The following SLC25A13 variants were observed in gnomAD, a reference collection of about 807,000 sequenced individuals.
The protein encoded by SLC25A13 is solute carrier family 25 member 13.
In SLC25A13, 70 loss-of-function variants were observed where a neutral mutation model predicts 85.5. The observed-to-expected ratio is 0.82, with a 90% CI of 0.68 to 1.00. The LOEUF (loss-of-function observed/expected upper bound fraction) is 1.00. Among genes scored for constraint, SLC25A13 ranks in the 50% least tolerant of loss-of-function variants. The pLI is 0.00. For missense variants in SLC25A13, 765 were observed against 819.8 expected, an observed-to-expected ratio of 0.93 and a Z score of 0.82; for synonymous variants, 259 against 288.7, an observed-to-expected ratio of 0.90 and a Z score of 1.04.
chr7:96,294,083 T>C (rs952293245), intron 2 of SLC25A13, among the ~76,000 whole-genome samples: 31 of 152,188 alleles, frequency 2.0e-4, no homozygotes, highest in African/African-American at 6.8e-4. Context: ...ATATACACCA[T>C]GGAATACTAT....
chr7:96,275,817 C>T (rs1798427304), intron 3 of SLC25A13, among the ~76,000 whole-genome samples: 1 of 152,068 alleles, frequency 6.6e-6, no homozygotes, highest in Admixed American at 6.6e-5. Context: ...AGCACACCAA[C>T]ATGGCACATG....
chr7:96,139,210 C>T (rs1397494829), intron 14 of SLC25A13, among the ~76,000 whole-genome samples: 1 of 152,110 alleles, frequency 6.6e-6, no homozygotes, highest in Non-Finnish European at 1.5e-5. Flanking sequence ...ATCTGAAGCA[C>T]AGGGGAAGTT....
intron 14 of SLC25A13, among the ~76,000 whole-genome samples, chr7:96,142,305 G>T (rs1396100088): frequency 6.6e-6 from 1 of 152,064 alleles, no homozygotes; most frequent in Non-Finnish European, 1.5e-5. Context: ...TGGTGTCTTT[G>T]TGCTCATGTG....
At chr7:96,174,500 C>T (rs1044288643) in intron 11 of SLC25A13, among the ~76,000 whole-genome samples, 115 of 152,300 alleles carry the variant, frequency 7.6e-4, no homozygotes, top group Admixed American at 5.6e-3. Flanking sequence ...TGTGGGCATA[C>T]GCCTGTTTAA....
intron 5 of SLC25A13, among the ~76,000 whole-genome samples, chr7:96,198,239 A>C (rs6976802): frequency 0.34 from 51,577 of 152,002 alleles, 9,273 homozygotes; most frequent in East Asian, 0.59. Flanking sequence ...AATAGGCACA[A>C]CACCACCTAC....
At chr7:96,140,881 C>T (rs182006224) in intron 14 of SLC25A13, among the ~76,000 whole-genome samples, 24 of 151,696 alleles carry the variant, frequency 1.6e-4, no homozygotes, top group Non-Finnish European at 3.2e-4. Flanking sequence ...CACATACATA[C>T]GTGTTGGCCA....
chr7:96,291,652 C>G (rs1179888554), intron 2 of SLC25A13, among the ~76,000 whole-genome samples: 3 of 152,322 alleles, frequency 2.0e-5, no homozygotes, highest in East Asian at 1.9e-4. Flanking sequence ...ATAAACACCT[C>G]TACGCAAATA....
intron 1 of SLC25A13, among the ~76,000 whole-genome samples, chr7:96,305,965 G>A (rs1408310653): frequency 1.3e-5 from 2 of 152,206 alleles, no homozygotes; most frequent in Non-Finnish European, 2.9e-5. Context: ...CATCTCACTT[G>A]AGTGAGCCCT....
At chr7:96,269,904 A>G (rs1320191298) in intron 3 of SLC25A13, among the ~76,000 whole-genome samples, 4 of 152,220 alleles carry the variant, frequency 2.6e-5, no homozygotes, top group Non-Finnish European at 5.9e-5. Context: ...GGAATCTAAA[A>G]AAGTCAAACT....
chr7:96,239,231 T>C (rs1485391218), intron 3 of SLC25A13, among the ~76,000 whole-genome samples: 1 of 149,852 alleles, frequency 6.7e-6, no homozygotes, highest in Non-Finnish European at 1.5e-5. Context: ...AGGAGGTATA[T>C]AGATGAACCA....
In SLC25A13 at chr7:96,273,932, T is replaced by G. The variant is rs141119241; in HGVS notation, c.212+3264A>C. On this transcript the variant is annotated intron_variant, in intron 3 of 17. Coordinates refer to ENST00000265631, the MANE Select transcript of SLC25A13 (RefSeq NM_014251.3). ...AGTCTGTGTTTTGCATAGTTTCAGC[T>G]TAAATGAACTAGTGTGAAATATAGC... is the stretch of plus-strand genomic sequence containing the variant. Among the ~76,000 whole-genome samples the G allele has an allele frequency of 1.2e-4, 19 of 152,340 alleles. No individual in the cohort carries two copies. In the East Asian group the frequency reaches 3.3e-3, roughly 26 times the overall value.
chr7:96,321,866 C>A, intron 1 of SLC25A13, 76 bp downstream of exon 1: 3 of 1,466,330 alleles, frequency 2.0e-6, no homozygotes, highest in East Asian at 2.8e-5. Flanking sequence ...AACCCAGACA[C>A]GTGAGCGCCC....
chr7:96,187,465 C>T (rs1314517330), intron 9 of SLC25A13, among the ~76,000 whole-genome samples: 2 of 152,128 alleles, frequency 1.3e-5, no homozygotes, highest in African/African-American at 4.8e-5. Context: ...CCAACTGTAG[C>T]CCTATATAGA....
intron 11 of SLC25A13, among the ~76,000 whole-genome samples, chr7:96,171,794 C>A (rs762909695): frequency 6.6e-6 from 1 of 152,150 alleles, no homozygotes; most frequent in Admixed American, 6.5e-5. Context: ...TCTCATTATT[C>A]CCCCAAAGTC....
At chr7:96,317,424 A>G (rs1251870681) in intron 1 of SLC25A13, among the ~76,000 whole-genome samples, 1 of 152,084 alleles carries the variant, frequency 6.6e-6, no homozygotes, top group African/African-American at 2.4e-5. Context: ...ATCAACAATG[A>G]AACACATTTG....
intron 3 of SLC25A13, among the ~76,000 whole-genome samples, chr7:96,262,958 C>G (rs969702653): frequency 6.7e-6 from 1 of 150,066 alleles, no homozygotes; most frequent in Non-Finnish European, 1.5e-5. Flanking sequence ...ATTGTTAGCA[C>G]CAGATATGGA....
intron 11 of SLC25A13, among the ~76,000 whole-genome samples, chr7:96,172,526 C>A (rs2116586277): frequency 6.6e-6 from 1 of 151,878 alleles, no homozygotes; most frequent in Middle Eastern, 3.4e-3. Flanking sequence ...CCACTGCACT[C>A]CAGCCCGGCA....
intron 14 of SLC25A13, among the ~76,000 whole-genome samples, chr7:96,135,371 G>C (rs760433729): frequency 2.0e-5 from 3 of 152,134 alleles, no homozygotes; most frequent in Non-Finnish European, 4.4e-5. Context: ...GAAAGACAGA[G>C]ACTTATTAAA....
At chr7:96,277,099 T>C in intron 3 of SLC25A13, 97 bp downstream of exon 3, 1 of 1,219,468 alleles carries the variant, frequency 8.2e-7, no homozygotes, top group East Asian at 2.6e-5. Context: ...TCCTAAGAGA[T>C]GGGAAGGTAT....
Sources: allele counts gnomAD v4.1 joint callset (sites outside exome capture counted in the v4.1 genomes callset), GRCh38; gene constraint gnomAD v4.1.1; transcripts MANE v1.5; gene names NCBI Gene and HGNC (gene_info 2026-07-23, HGNC 2026-07-21).